Variants in HNF4G observed in about 807,000 individuals in gnomAD.
The protein encoded by HNF4G is hepatocyte nuclear factor 4 gamma, also known as hepatocyte nuclear factor 4-gamma.
A neutral mutation model predicts 50.9 loss-of-function variants in HNF4G; 21 were observed. The observed-to-expected ratio is 0.41, with a 90% CI of 0.29 to 0.59. The LOEUF (loss-of-function observed/expected upper bound fraction) is 0.59. HNF4G is among the 20% of genes least tolerant of loss of function. The probability of loss-of-function intolerance (pLI) is 0.26; values close to 1 mark genes in which losing one functional copy is unlikely to be tolerated. For missense variants in HNF4G, 527 were observed against 559.4 expected, an observed-to-expected ratio of 0.94 and a Z score of 0.58; for synonymous variants, 198 against 185.6, an observed-to-expected ratio of 1.07 and a Z score of -0.54.
intron 2 of HNF4G, among the ~76,000 whole-genome samples, chr8:75,507,558 T>A (rs1215546543): frequency 6.6e-6 from 1 of 152,244 alleles, no homozygotes. Context: ...TGTGCCCGGC[T>A]GATTTTTAAA....
intron 1 of HNF4G, among the ~76,000 whole-genome samples, chr8:75,489,801 A>G (rs1178053442): frequency 6.6e-6 from 1 of 152,232 alleles, no homozygotes; most frequent in African/African-American, 2.4e-5. Flanking sequence ...CAGATTTCTC[A>G]ACATTGTGAA....
At chr8:75,423,929 T>C (rs963879567) in intron 1 of HNF4G, among the ~76,000 whole-genome samples, 1 of 141,342 alleles carries the variant, frequency 7.1e-6, no homozygotes, top group African/African-American at 2.6e-5. Context: ...GTTCAAGCAA[T>C]TCTTCTGCCT....
rs1472701590 is a variant in HNF4G at position 75,558,841 on chromosome 8, G to A, written c.927G>A (p.Met309Ile). 2.5e-6 allele frequency: 4 copies of A among 1,614,078 alleles called. No individual in the cohort carries two copies. Among genetic ancestry groups the A allele is most frequent in the East Asian group, 2.2e-5 (1 of 44,862 alleles). ...GCGATCCAGTAAAAATTAAGAACAT[G>A]AGGTTCCAAGTGCAGATCGGTTTGG... is the stretch of plus-strand genomic sequence containing the variant. The part of the protein sequence containing the change: ...GLSDPVKIKN[M>I]RFQVQIGLED... Residue 309 changes from methionine (M) to isoleucine (I), a missense_variant, in exon 8 of 10, where the codon ATG (methionine) becomes ATA (isoleucine). Around this residue, in one of 5 missense-constraint regions of HNF4G, gnomAD observed 308 missense variants for 301.5 expected, o/e 1.02. Transcript: ENST00000396423.
At chr8:75,419,634 C>T (rs986738776) in intron 1 of HNF4G, among the ~76,000 whole-genome samples, 1 of 152,206 alleles carries the variant, frequency 6.6e-6, no homozygotes, top group African/African-American at 2.4e-5. Context: ...CAGGTAAAAT[C>T]CTAACAACTG....
intron 1 of HNF4G, among the ~76,000 whole-genome samples, chr8:75,478,958 G>T (rs1812308078): frequency 6.6e-6 from 1 of 152,156 alleles, no homozygotes; most frequent in Non-Finnish European, 1.5e-5. Context: ...CCGACCTCAG[G>T]TGATCTGCCC....
In HNF4G at chr8:75,452,465, A is replaced by C. The variant is rs1811607261; in HGVS notation, c.-143-37624A>C. 2.0e-5 allele frequency among the ~76,000 whole-genome samples: 3 copies of C among 152,154 alleles called. No homozygotes were observed. In the South Asian group the frequency reaches 6.2e-4, roughly 31 times the overall value. The stretch of plus-strand genomic sequence containing the variant: ...CTGGGCACGTTGGCTCACGCCTGTA[A>C]TCACAGCACTTTGGGAGCCCGAAGC... On this transcript the variant is annotated intron_variant, in intron 1 of 10. Transcript: ENST00000354370.
intron 8 of HNF4G, among the ~76,000 whole-genome samples, chr8:75,559,955 T>G (rs1807258489): frequency 6.6e-6 from 1 of 152,218 alleles, no homozygotes; most frequent in Non-Finnish European, 1.5e-5. Flanking sequence ...TTTTTAGTTT[T>G]CTGGTGCATA....
intron 2 of HNF4G, among the ~76,000 whole-genome samples, chr8:75,496,289 T>C (rs892273445): frequency 1.3e-5 from 2 of 152,094 alleles, no homozygotes; most frequent in African/African-American, 4.8e-5. Flanking sequence ...TCCTTTATTC[T>C]TTTTTTCTTG....
At chr8:75,552,773 T>C (rs1475323027) in intron 4 of HNF4G, among the ~76,000 whole-genome samples, 3 of 152,162 alleles carry the variant, frequency 2.0e-5, no homozygotes, top group Non-Finnish European at 4.4e-5. Context: ...GTGTACAGAT[T>C]TGACCACTAA....
At chr8:75,456,351 G>A (rs2130593610) in intron 1 of HNF4G, among the ~76,000 whole-genome samples, 1 of 152,272 alleles carries the variant, frequency 6.6e-6, no homozygotes, top group African/African-American at 2.4e-5. Context: ...AACACAGTTT[G>A]AGAAGAAATT....
intron 5 of HNF4G, among the ~76,000 whole-genome samples, chr8:75,555,684 A>C (rs1490993434): frequency 1.3e-5 from 2 of 151,738 alleles, no homozygotes; most frequent in Non-Finnish European, 2.9e-5. Flanking sequence ...CTGGGATTTG[A>C]ACTCTGGTCT....
At chr8:75,418,733 T>A (rs1810704045) in intron 1 of HNF4G, among the ~76,000 whole-genome samples, 1 of 148,440 alleles carries the variant, frequency 6.7e-6, no homozygotes, top group Admixed American at 6.8e-5. Context: ...TTTTTTTTTT[T>A]TTTTTTTTTT....
intron 1 of HNF4G, among the ~76,000 whole-genome samples, chr8:75,448,014 CAA>C (rs1563510482): frequency 1.3e-5 from 1 of 78,206 alleles, no homozygotes; most frequent in African/African-American, 5.2e-5. Flanking sequence ...TTCACAATAG[CAA>C]AGACTTGGAA....
At chr8:75,532,685 T>C (rs537568481) in intron 2 of HNF4G, among the ~76,000 whole-genome samples, 15 of 152,062 alleles carry the variant, frequency 9.9e-5, no homozygotes, top group Non-Finnish European at 1.9e-4. Flanking sequence ...AATAAGATTT[T>C]CTTCCTATTT....
At chr8:75,555,192 A>G (rs1271122101) in intron 5 of HNF4G, among the ~76,000 whole-genome samples, 1 of 152,226 alleles carries the variant, frequency 6.6e-6, no homozygotes, top group Non-Finnish European at 1.5e-5. Flanking sequence ...TTTGGCTTGT[A>G]TTTTGAGAAG....
chr8:75,519,787 T>A (rs923747072), intron 2 of HNF4G, among the ~76,000 whole-genome samples: 8 of 152,134 alleles, frequency 5.3e-5, no homozygotes, highest in African/African-American at 9.7e-5. Flanking sequence ...TCTGTTTACG[T>A]CTTTGTATTT....
At chr8:75,449,196 A>G (rs1212153626) in intron 1 of HNF4G, among the ~76,000 whole-genome samples, 1 of 152,132 alleles carries the variant, frequency 6.6e-6, no homozygotes, top group Non-Finnish European at 1.5e-5. Context: ...CTGCTTTGCT[A>G]TCTCCTAGGG....
intron 3 of HNF4G, among the ~76,000 whole-genome samples, chr8:75,549,857 A>G (rs1024153660): frequency 6.6e-6 from 1 of 151,398 alleles, no homozygotes; most frequent in South Asian, 2.1e-4. Flanking sequence ...AGAACATGTG[A>G]TGTTTGGTTT....
Position 75,472,726 on chromosome 8 carries a change from G to A in HNF4G, c.-143-17363G>A, listed in dbSNP as rs567197460. Among the ~76,000 whole-genome samples, 5 of 152,216 alleles carry A rather than the reference G, an allele frequency of 3.3e-5. No individual in the cohort carries two copies. The South Asian group carries it at 1.0e-3, about 32-fold the overall frequency. ...TAGGTAAATCCATTAAGAAGAGACGGGCATGGATGATCACTGTTTTGGGGG... is the reference window on the plus strand; with the variant it reads ...TAGGTAAATCCATTAAGAAGAGACGAGCATGGATGATCACTGTTTTGGGGG... On this transcript the variant is annotated intron_variant, in intron 1 of 10. Coordinates refer to the HNF4G transcript ENST00000354370.
Sources: allele counts gnomAD v4.1 joint callset (sites outside exome capture counted in the v4.1 genomes callset), GRCh38; gene constraint gnomAD v4.1.1; regional missense constraint gnomAD v4.1.1; transcripts MANE v1.5; gene names NCBI Gene and HGNC (gene_info 2026-07-23, HGNC 2026-07-21).